Variants in VEGFA observed in about 807,000 individuals in gnomAD.
The protein encoded by VEGFA is vascular endothelial growth factor A.
A neutral mutation model predicts 49.7 loss-of-function variants in VEGFA; 20 were observed. The ratio of observed to expected loss-of-function variants is 0.40; its 90% CI spans 0.28 to 0.58. The LOEUF is 0.58. Ranked by LOEUF, VEGFA falls within the 20% of genes least tolerant of loss-of-function variation. VEGFA has a pLI of 0.40. For synonymous variants in VEGFA, 219 were observed against 223.4 expected (o/e 0.98, Z 0.18); for missense variants, 505 against 553.5 (o/e 0.91, Z 0.88).
chr6:43,785,394 G>A lies in VEGFA; in HGVS notation c.*832G>A, dbSNP rs1769280352. Reference sequence around the variant, plus strand: ...CCTCCACATGCTGCACGCGCATCTCGCCCCCAGGGGCACTGCCTGGAAGAT... The same window carrying A: ...CCTCCACATGCTGCACGCGCATCTCACCCCCAGGGGCACTGCCTGGAAGAT... On this transcript the variant is annotated 3_prime_UTR_variant, in exon 8 of 8. Coordinates refer to ENST00000672860, the MANE Select transcript of VEGFA (RefSeq NM_003376.6). 4.6e-6 allele frequency: 1 copy of A among 218,180 alleles called. No individual in the cohort carries two copies. Among genetic ancestry groups the A allele is most frequent in the Non-Finnish European group, 9.2e-6 (1 of 108,226 alleles). 13.5% of individuals were successfully genotyped at this position (218,180 alleles called of 1,614,324 possible).
rs1417044850 is a variant in VEGFA, at chr6:43,774,269, GGGGCTGGGTGGCTGGGCC to G, written c.607-71_607-54del. On this transcript the variant is annotated intron_variant, in intron 1 of 7. Transcript: ENST00000672860. ...GTGGGAGGGAAGTGAGGAGGGAGGA[GGGGCTGGGTGGCTGGGCC>G]TGTGCACCCCAGCCCCTGCCCATGC... 2.0e-6 allele frequency: 3 copies of G among 1,519,908 alleles called. No individual in the cohort carries two copies. In the Admixed American group the frequency reaches 5.0e-5, roughly 26 times the overall value. The allele number at this position is 1,519,908 out of a possible 1,614,324, so 94.2% of individuals were successfully genotyped here.
Position 43,778,454 on chromosome 6 carries a change from T to G in VEGFA, c.856-6T>G. The G allele has an allele frequency of 6.2e-7, 1 of 1,614,024 alleles. No individual in the cohort carries two copies. The highest frequency in any genetic ancestry group is 1.7e-4 in the Middle Eastern group (1 of 6,060). ...AACCTCTGTGATCTGCTTCCTTCCT[T>G]TCCAGATTATGCGGATCAAACCTCA... On this transcript the variant is annotated splice_polypyrimidine_tract_variant and splice_region_variant and intron_variant, in intron 3 of 7. Transcript: ENST00000672860.
intron 1 of VEGFA, among the ~76,000 whole-genome samples, chr6:43,772,408 T>G (rs1763918757): frequency 6.6e-6 from 1 of 152,176 alleles, no homozygotes. Flanking sequence ...ACAGTGTGCT[T>G]CCCTTCCCTC....
At chr6:43,772,810 C>T (rs1203860826) in intron 1 of VEGFA, among the ~76,000 whole-genome samples, 1 of 152,198 alleles carries the variant, frequency 6.6e-6, no homozygotes, top group East Asian at 1.9e-4. Context: ...GACCCTGGCA[C>T]AAAGGCCTTG....
chr6:43,785,782 A>G lies in VEGFA; in HGVS notation c.*1220A>G. ...AGGCAGAGAAAAGAGAAAGTGTTTT[A>G]TATACGGTACTTATTTAATATCCCT... On this transcript the variant is annotated 3_prime_UTR_variant, in exon 8 of 8. Coordinates refer to ENST00000672860, the MANE Select transcript of VEGFA (RefSeq NM_003376.6). The G allele has an allele frequency of 5.2e-6, 1 of 190,516 alleles. No individual in the cohort carries two copies. Among genetic ancestry groups the G allele is most frequent in the Non-Finnish European group, 1.1e-5 (1 of 91,100 alleles). 11.8% of individuals were successfully genotyped at this position (190,516 alleles called of 1,614,324 possible).
chr6:43,780,398 G>A (rs1034470648), intron 5 of VEGFA: 1 of 398,116 alleles, frequency 2.5e-6, no homozygotes, highest in Non-Finnish European at 4.8e-6. Context: ...CCCCTGCCGG[G>A]GACTGGGAGC....
rs1269022481 is a variant in VEGFA, at chr6:43,785,247, C to T, written c.*685C>T. ...GGAACACCGACAAACCCAGCCCTGG[C>T]GCTGAGCCTCTCTACCCCAGGTCAG... On this transcript the variant is annotated 3_prime_UTR_variant, in exon 8 of 8. Coordinates refer to ENST00000672860, the MANE Select transcript of VEGFA (RefSeq NM_003376.6). 10 of 201,858 alleles carry T rather than the reference C, an allele frequency of 5.0e-5. No individual in the cohort carries two copies. The highest frequency in any genetic ancestry group is 1.4e-4 in the African/African-American group (6 of 43,430). 12.5% of individuals were successfully genotyped at this position (201,858 alleles called of 1,614,324 possible). A position where few individuals can be genotyped will look rare whatever the true frequency, so the allele number is the denominator to read the frequency against.
At chr6:43,779,246 C>A (rs1016060834) in intron 5 of VEGFA, 8 of 501,820 alleles carry the variant, frequency 1.6e-5, no homozygotes, top group Non-Finnish European at 2.5e-5. Context: ...CTCTAGGACA[C>A]CCACAGTGGG....
chr6:43,771,753 C>CGT (rs1763645178), intron 1 of VEGFA, among the ~76,000 whole-genome samples: 2 of 151,982 alleles, frequency 1.3e-5, no homozygotes, highest in African/African-American at 4.8e-5. Flanking sequence ...GGGCAGAGAG[C>CGT]GTGGAGGGGG....
chr6:43,777,471 G>A lies in VEGFA; in HGVS notation c.661G>A (p.Val221Met), dbSNP rs1047373716. Residue 221 changes from valine to methionine, a missense_variant and splice_region_variant, in exon 3 of 8, where the codon GTG (valine) becomes ATG (methionine). By Grantham distance (21) the Val-to-Met change is conservative (BLOSUM62 1). Transcript: ENST00000672860. This position sits in a 1 kb window ranked among gnomAD's most constrained non-coding sequence, Gnocchi z 4.3. Reference sequence around the variant, plus strand: ...ATGTGTCATCGCCTCTCATGCAGTGGTGAAGTTCATGGATGTCTATCAGCG... The same window carrying A: ...ATGTGTCATCGCCTCTCATGCAGTGATGAAGTTCATGGATGTCTATCAGCG... 8.7e-6 allele frequency: 14 copies of A among 1,613,884 alleles called. No homozygotes were observed. The highest frequency in any genetic ancestry group is 1.3e-5 in the African/African-American group (1 of 74,934).
rs745609508 is a variant in VEGFA at position 43,782,013 on chromosome 6, G to A, written c.1092G>A (p.Thr364=). 5.6e-6 allele frequency: 9 copies of A among 1,614,100 alleles called. No individual in the cohort carries two copies. Among genetic ancestry groups the A allele is most frequent in the South Asian group, 3.3e-5 (3 of 91,078 alleles). ...ATTTGTTTGTACAAGATCCGCAGAC[G>A]TGTAAATGTTCCTGCAAAAACACAG... The change falls in exon 7 of 8, where the codon ACG becomes ACA. Residue 364 remains threonine (T), a synonymous_variant. Transcript: ENST00000672860.
Position 43,782,103 on chromosome 6 carries a change from G to T in VEGFA, c.1166+16G>T. ...GTACTTGCAGGTTGGTTCCCAGAGG[G>T]CAAGCAAGTCAGAGAGGGGCATCAC... On this transcript the variant is annotated intron_variant, in intron 7 of 7. Coordinates refer to ENST00000672860, the MANE Select transcript of VEGFA (RefSeq NM_003376.6). 1 of 1,612,904 alleles carries T rather than the reference G, an allele frequency of 6.2e-7. No individual in the cohort carries two copies. Among genetic ancestry groups the T allele is most frequent in the Non-Finnish European group, 8.5e-7 (1 of 1,179,726 alleles).
At chr6:43,784,150 A>G in intron 7 of VEGFA, 1 of 325,902 alleles carries the variant, frequency 3.1e-6, no homozygotes, top group East Asian at 7.3e-5. Context: ...CTCAGCAGGG[A>G]GCCTCTTCTG....
At chr6:43,781,338 C>T (rs559237815) in intron 6 of VEGFA, 8 of 269,116 alleles carry the variant, frequency 3.0e-5, no homozygotes, top group Admixed American at 2.0e-4. Flanking sequence ...TGGCTCCTCA[C>T]GGAGGTGGGG....
chr6:43,774,716 TC>T (rs1764730889), intron 2 of VEGFA: 1 of 482,624 alleles, frequency 2.1e-6, no homozygotes, highest in East Asian at 3.8e-5. Context: ...GTCCCTTGTT[TC>T]CCCTAGCTCC....
In VEGFA at chr6:43,777,132, G is replaced by C. The variant is rs916711340; in HGVS notation, c.659-337G>C. ...GGAAAGCTTAGAGCATCCCCATGGG[G>C]TATACCCATACTCAGACTGTCCTCT... On this transcript the variant is annotated intron_variant, in intron 2 of 7. Coordinates refer to ENST00000672860, the MANE Select transcript of VEGFA (RefSeq NM_003376.6). This position sits in a 1 kb window ranked among gnomAD's most constrained non-coding sequence, Gnocchi z 4.3. The C allele has an allele frequency of 2.9e-5, 12 of 410,180 alleles. No individual in the cohort carries two copies. Among genetic ancestry groups the C allele is most frequent in the African/African-American group, 2.0e-4 (10 of 48,890 alleles). 25.4% of individuals were successfully genotyped at this position (410,180 alleles called of 1,614,324 possible).
intron 7 of VEGFA, chr6:43,782,759 C>T (rs1270012783): frequency 1.9e-5 from 3 of 158,898 alleles, no homozygotes; most frequent in Non-Finnish European, 1.4e-5. Flanking sequence ...ATGTCTCCCT[C>T]CTCAGACTGG....
intron 4 of VEGFA, 132 bp downstream of exon 4, chr6:43,778,668 A>T (rs144233133): frequency 9.2e-7 from 1 of 1,087,790 alleles, no homozygotes; most frequent in African/African-American, 1.6e-5. Context: ...TTTTACTTCA[A>T]TGTGCCTCAG....
At chr6:43,780,889 C>T (rs1178384570) in intron 6 of VEGFA, 86 bp downstream of exon 6, 4 of 1,610,792 alleles carry the variant, frequency 2.5e-6, no homozygotes, top group Non-Finnish European at 3.4e-6. Context: ...TGTAACCCTG[C>T]CTCCCTCCCC....
Sources: gnomAD v4.1 joint callset for allele counts (sites outside exome capture counted in the v4.1 genomes callset) on GRCh38, gnomAD v4.1.1 for gene constraint, Gnocchi (gnomAD v3.1) non-coding constraint, MANE v1.5 for transcripts, NCBI Gene and HGNC (gene_info 2026-07-23, HGNC 2026-07-21) for gene names.